ABCA12: variants seen among roughly 807,000 people sequenced by gnomAD.
ABCA12 encodes the protein ATP binding cassette subfamily A member 12, also known as glucosylceramide transporter ABCA12.
A neutral mutation model predicts 293.5 loss-of-function variants in ABCA12; 156 were observed. The ratio of observed to expected loss-of-function variants is 0.53; its 90% confidence interval spans 0.47 to 0.61. ABCA12 has a LOEUF of 0.61. ABCA12 is among the 20% of genes least tolerant of loss of function. The pLI, the probability that ABCA12 is intolerant of heterozygous loss-of-function variation, is 0.00. For missense variants in ABCA12, 2,797 were observed against 3,090.2 expected (o/e 0.91, Z 2.25); for synonymous variants, 1,063 against 1,108.0 (o/e 0.96, Z 0.81).
At position 215,015,550 on chromosome 2, in the gene ABCA12, C is replaced by G. The variant is rs1312660778; in HGVS notation, c.1896G>C (p.Gln632His). The G allele has an allele frequency of 6.2e-7, 1 of 1,613,984 alleles. No individual in the cohort carries two copies. The highest frequency in any genetic ancestry group is 8.5e-7 in the Non-Finnish European group (1 of 1,180,002). ...GAAGGGTGAGTCCGATGAGGTAAGA[C>G]TGCCGGGATCTCTCTGAAAGAGACA... Reference protein sequence around the residue: ...CNLSLSERSRQSYLIGLTLLH... With the variant: ...CNLSLSERSRHSYLIGLTLLH... Residue 632 changes from glutamine (Q) to histidine (H), a missense_variant, in exon 15 of 53, where the codon CAG (glutamine) becomes CAC (histidine). Transcript: ENST00000272895.
intron 11 of ABCA12, among the ~76,000 whole-genome samples, chr2:215,025,156 T>C (rs1281778295): frequency 1.3e-5 from 2 of 152,112 alleles, no homozygotes; most frequent in Non-Finnish European, 2.9e-5. Flanking sequence ...TCAAATCTCT[T>C]TCAAATTATG....
intron 10 of ABCA12, among the ~76,000 whole-genome samples, chr2:215,026,423 C>T (rs373376220): frequency 9.2e-5 from 14 of 152,250 alleles, no homozygotes; most frequent in South Asian, 4.1e-4. Context: ...AATTTACACC[C>T]GCTTTTAGAA....
At chr2:215,043,644 G>T (rs979149897) in intron 7 of ABCA12, among the ~76,000 whole-genome samples, 7 of 151,970 alleles carry the variant, frequency 4.6e-5, no homozygotes, top group Non-Finnish European at 5.9e-5. Context: ...ACAATAAGAT[G>T]CACCTATATT....
chr2:215,031,552 C>A (rs1185440608), intron 9 of ABCA12, among the ~76,000 whole-genome samples: 2 of 152,112 alleles, frequency 1.3e-5, no homozygotes, highest in Admixed American at 6.5e-5. Context: ...ATAAGGTAAC[C>A]AATCCAGACA....
chr2:215,105,173 C>T (rs1156235800), intron 2 of ABCA12, among the ~76,000 whole-genome samples: 2 of 152,052 alleles, frequency 1.3e-5, no homozygotes, highest in Non-Finnish European at 2.9e-5. Flanking sequence ...GCTATCTATC[C>T]AATAAGTGAG....
chr2:214,950,459 T>C (rs554565316), intron 45 of ABCA12, among the ~76,000 whole-genome samples: 2 of 151,108 alleles, frequency 1.3e-5, no homozygotes, highest in Non-Finnish European at 2.9e-5. Flanking sequence ...CATGGAAATA[T>C]TCAGATTAAC....
rs780351146 is a variant in ABCA12, at chr2:214,932,626, T to G, written c.*8A>C. On this transcript the variant is annotated 3_prime_UTR_variant, in exon 53 of 53. Coordinates refer to ENST00000272895, the MANE Select transcript of ABCA12 (RefSeq NM_173076.3). ...GGTCACACGCTGAGATTGAGTTTGC[T>G]GGAAGTGTTAAGACTCCATCTGGTC... The G allele has an allele frequency of 6.2e-7, 1 of 1,603,390 alleles. No homozygotes were observed. Among genetic ancestry groups the G allele is most frequent in the Non-Finnish European group, 8.5e-7 (1 of 1,170,508 alleles).
intron 2 of ABCA12, among the ~76,000 whole-genome samples, chr2:215,069,329 G>C (rs566614231): frequency 6.6e-6 from 1 of 151,904 alleles, no homozygotes; most frequent in East Asian, 1.9e-4. Context: ...CACCACAACA[G>C]GGACTTAACA....
chr2:215,137,111 T>C (rs1204929202), intron 1 of ABCA12, among the ~76,000 whole-genome samples: 1 of 152,076 alleles, frequency 6.6e-6, no homozygotes, highest in African/African-American at 2.4e-5. Context: ...CCCACACCCA[T>C]GCAATCACAT....
At chr2:215,084,270 C>T (rs1051585777) in intron 2 of ABCA12, among the ~76,000 whole-genome samples, 5 of 152,014 alleles carry the variant, frequency 3.3e-5, no homozygotes, top group Admixed American at 6.6e-5. Context: ...TACAGGCATG[C>T]GCTACCATCC....
chr2:214,964,911 A>G (rs1159413515), intron 39 of ABCA12, among the ~76,000 whole-genome samples: 3 of 152,226 alleles, frequency 2.0e-5, no homozygotes, highest in Non-Finnish European at 4.4e-5. Flanking sequence ...AAGAGATGGA[A>G]TAGCTAAGAC....
Position 215,090,495 on chromosome 2 carries a change from C to T in ABCA12, c.163+21102G>A, listed in dbSNP as rs113268369. On this transcript the variant is annotated intron_variant, in intron 2 of 52. Transcript: ENST00000272895. The stretch of plus-strand genomic sequence containing the variant: ...TCTCTAACCTCTCTTGCTATCCCTC[C>T]ACCCTTCAATCTCTCCCTTCCTTAA... Among the ~76,000 whole-genome samples the T allele has an allele frequency of 4.6e-3, 695 of 152,234 alleles. 4 individuals are homozygous for T. Among genetic ancestry groups the T allele is most frequent in the African/African-American group, 0.016 (654 of 41,556 alleles).
intron 11 of ABCA12, among the ~76,000 whole-genome samples, chr2:215,020,292 G>GAACACA (rs139997021): frequency 6.7e-6 from 1 of 148,700 alleles, no homozygotes; most frequent in Non-Finnish European, 1.5e-5. Flanking sequence ...GGGAATGTAT[G>GAACACA]CACACACACA....
chr2:215,055,602 T>C (rs1701405174), intron 3 of ABCA12, among the ~76,000 whole-genome samples: 1 of 152,016 alleles, frequency 6.6e-6, no homozygotes. Context: ...AAAAAGATAA[T>C]GGAAAAGCAA....
At position 214,956,784 on chromosome 2, in the gene ABCA12, G is replaced by C. The variant is rs181559226; in HGVS notation, c.6118-6C>G. On this transcript the variant is annotated splice_polypyrimidine_tract_variant and splice_region_variant and intron_variant, in intron 41 of 52. Transcript: ENST00000272895. ...ACAGGCACCAAGTAGAAAACCTATG[G>C]AAATATTCAAAACAATGTTTAATAC... 6.3e-7 allele frequency: 1 copy of C among 1,584,210 alleles called. No homozygotes were observed. Among genetic ancestry groups the C allele is most frequent in the Non-Finnish European group, 8.7e-7 (1 of 1,155,290 alleles).
chr2:215,061,926 C>T lies in ABCA12; in HGVS notation c.317+2140G>A, dbSNP rs369712832. On this transcript the variant is annotated intron_variant, in intron 3 of 52. Transcript: ENST00000272895. ...CTTCTTTAGAGGGAACTATAGTTGT[C>T]TACTTCTTAGATACTGTTAATTATG... Among the ~76,000 whole-genome samples the T allele has an allele frequency of 7.2e-5, 11 of 152,018 alleles. No homozygotes were observed. In the East Asian group the frequency reaches 7.7e-4, roughly 11 times the overall value.
chr2:215,120,413 A>T (rs1702781825), intron 1 of ABCA12, among the ~76,000 whole-genome samples: 1 of 152,228 alleles, frequency 6.6e-6, no homozygotes, highest in Admixed American at 6.5e-5. Flanking sequence ...AAATAATTAC[A>T]GCTAGTTGGA....
In ABCA12 at chr2:215,118,274, C is replaced by T. The variant is rs181741389; in HGVS notation, c.70-6584G>A. Among the ~76,000 whole-genome samples, 291 of 152,156 alleles carry T rather than the reference C, an allele frequency of 1.9e-3. 1 individual carries two copies. The highest frequency in any genetic ancestry group is 0.01 in the Middle Eastern group (3 of 294). On this transcript the variant is annotated intron_variant, in intron 1 of 52. Coordinates refer to ENST00000272895, the MANE Select transcript of ABCA12 (RefSeq NM_173076.3). ...AAAATTAGCCGAGCATGGTGGCACA[C>T]GCTTTTAGTCTCAGCTACTGAGGAG...
At chr2:214,938,512 T>C (rs776514919) in intron 50 of ABCA12, among the ~76,000 whole-genome samples, 3 of 152,230 alleles carry the variant, frequency 2.0e-5, no homozygotes, top group Admixed American at 2.0e-4. Flanking sequence ...ATGGTATTTC[T>C]GGTTCTATAT....
Sources: allele counts gnomAD v4.1 joint callset (sites outside exome capture counted in the v4.1 genomes callset), GRCh38; gene constraint gnomAD v4.1.1; transcripts MANE v1.5; gene names NCBI Gene and HGNC (gene_info 2026-07-23, HGNC 2026-07-21).